AMER1: variants seen among roughly 807,000 people sequenced by gnomAD.
AMER1 encodes the protein APC membrane recruitment protein 1, also known as RP11-403E24.2.
Under a neutral mutation model 53.0 loss-of-function variants are expected in AMER1, and 16 were observed. That is an observed-to-expected ratio of 0.30 (90% CI 0.20 to 0.46). The LOEUF (loss-of-function observed/expected upper bound fraction) is 0.46, where lower values mean the gene tolerates loss of function less well. Among genes scored for constraint, AMER1 ranks in the 20% least tolerant of loss-of-function variants. The pLI, the probability that AMER1 is intolerant of heterozygous loss-of-function variation, is 1.00. For synonymous variants in AMER1, 354 were observed against 331.9 expected (o/e 1.07, Z -0.73); for missense variants, 947 against 884.9 (o/e 1.07, Z -0.89).
rs1051883647 is a variant in AMER1, at chrX:64,186,573, T to C, written c.*3306A>G. 8 of 775,083 alleles carry C rather than the reference T, an allele frequency of 1.0e-5. No homozygotes were observed. In the African/African-American group the frequency reaches 1.8e-4, roughly 18 times the overall value. The allele number at this position is 775,083 out of a possible 1,213,427, so 63.9% of individuals were successfully genotyped here. A position where few individuals can be genotyped will look rare whatever the true frequency, so the allele number is the denominator to read the frequency against. On this transcript the variant is annotated 3_prime_UTR_variant, in exon 2 of 2. Coordinates refer to ENST00000374869, the MANE Select transcript of AMER1 (RefSeq NM_152424.4). ...GGTGGGGTGGTGGCACTGGCACAGG[T>C]AAGGAAAGCTGCTGGCAGCAGGATG...
chrX:64,193,477 T>A, intron 1 of AMER1, 93 bp from the exon 2 acceptor site: 1 of 567,818 alleles, frequency 1.8e-6, no homozygotes, highest in Non-Finnish European at 2.8e-6. Flanking sequence ...CAGGCTTGAG[T>A]GGAACAAGAA....
At chrX:64,196,827 A>C (rs1034788582) in intron 1 of AMER1, among the ~76,000 whole-genome samples, 4 of 111,482 alleles carry the variant, frequency 3.6e-5, no homozygotes, top group Admixed American at 1.9e-4. Context: ...ATGTCCCCCC[A>C]CAGTCATTCA....
rs935092156 is a variant in AMER1, at chrX:64,187,414, G to A, written c.*2465C>T. 1.3e-5 allele frequency: 10 copies of A among 792,589 alleles called. No homozygotes were observed. The South Asian group carries it at 6.7e-4, about 53-fold the overall frequency. The allele number at this position is 792,589 out of a possible 1,213,427, so 65.3% of individuals were successfully genotyped here. A position where few individuals can be genotyped will look rare whatever the true frequency, so the allele number is the denominator to read the frequency against. ...ACTCAGCCCCAGGCCCTACTCTGTGGTGTGTGACCTTCCAAAGCCCAACAA... is the reference window on the plus strand; with the variant it reads ...ACTCAGCCCCAGGCCCTACTCTGTGATGTGTGACCTTCCAAAGCCCAACAA... On this transcript the variant is annotated 3_prime_UTR_variant, in exon 2 of 2. Transcript: ENST00000374869.
chrX:64,189,799 A>ACCCCCCCCC lies in AMER1; in HGVS notation c.*79_*80insGGGGGGGGG. 1 of 125,105 alleles carries ACCCCCCCCC rather than the reference A, an allele frequency of 8.0e-6. No homozygotes were observed. Among genetic ancestry groups the ACCCCCCCCC allele is most frequent in the Admixed American group, 1.1e-4 (1 of 9,000 alleles). 10.3% of individuals were successfully genotyped at this position (125,105 alleles called of 1,213,427 possible). ...GTTTTCAAGTTAAACAACAACCCCCACCCCCCCACCCTTCTGCCCAACCCC... is the reference window on the plus strand; with the variant it reads ...GTTTTCAAGTTAAACAACAACCCCCACCCCCCCCCCCCCCCCACCCTTCTGCCCAACCCC... On this transcript the variant is annotated 3_prime_UTR_variant, in exon 2 of 2. Coordinates refer to ENST00000374869, the MANE Select transcript of AMER1 (RefSeq NM_152424.4).
rs2147084976 is a variant in AMER1, at chrX:64,190,362, T to C, written c.2925A>G (p.Ile975Met). Residue 975 changes from isoleucine to methionine, a missense_variant, in exon 2 of 2, where the codon ATA becomes ATG. Transcript: ENST00000374869. Reference protein sequence around the residue: ...PLPVGPGPAWISPNQLDRPSS... With the variant: ...PLPVGPGPAWMSPNQLDRPSS... ...AAGGCCTGTCCAACTGGTTGGGGCT[T>C]ATCCAGGCAGGACCTGGCCCCACTG... The C allele has an allele frequency of 1.7e-6, 2 of 1,211,546 alleles. No homozygotes were observed. Among genetic ancestry groups the C allele is most frequent in the Non-Finnish European group, 2.2e-6 (2 of 895,304 alleles).
intron 1 of AMER1, among the ~76,000 whole-genome samples, chrX:64,194,141 T>C (rs1352783379): frequency 8.9e-6 from 1 of 111,959 alleles, no homozygotes; most frequent in Non-Finnish European, 1.9e-5. Flanking sequence ...AGAGGTGATA[T>C]GAGGGTGGGT....
rs770763349 is a variant in AMER1, at chrX:64,186,133, G to A, written c.*3746C>T. 6 of 1,207,849 alleles carry A rather than the reference G, an allele frequency of 5.0e-6. No homozygotes were observed. The highest frequency in any genetic ancestry group is 3.5e-5 in the South Asian group (2 of 56,648). On this transcript the variant is annotated 3_prime_UTR_variant, in exon 2 of 2. Transcript: ENST00000374869. ...ACAAGCTGTCTACCAGGTCCCACAC[G>A]CCTGAGTCACTTGGCGTTTGTCTTC... is the stretch of plus-strand genomic sequence containing the variant.
In AMER1 at chrX:64,191,985, G is replaced by A. The variant is rs372086903; in HGVS notation, c.1302C>T (p.His434=). The change falls in exon 2 of 2, where the codon CAC becomes CAT. Residue 434 remains histidine (H), a synonymous_variant. Coordinates refer to ENST00000374869, the MANE Select transcript of AMER1 (RefSeq NM_152424.4). ...TAACTGGGTCAAGGAGCATGTAGCC[G>A]TGGTGGCCTGGGGATGTGGTGGGAT... The part of the protein sequence containing the change: ...GYHPTTSPGH[H]GYMLLDPVRS... The A allele has an allele frequency of 3.2e-5, 39 of 1,210,437 alleles. No individual in the cohort carries two copies. Among genetic ancestry groups the A allele is most frequent in the Admixed American group, 8.7e-5 (4 of 45,901 alleles).
In AMER1 at chrX:64,188,784, T is replaced by C; in HGVS notation, c.*1095A>G. ...GTGATAAATGGACCCTCATTTTCTA[T>C]CTTTCCCCTACACTCCACAAAAACC... On this transcript the variant is annotated 3_prime_UTR_variant, in exon 2 of 2. Transcript: ENST00000374869. 1 of 804,716 alleles carries C rather than the reference T, an allele frequency of 1.2e-6. No homozygotes were observed. Among genetic ancestry groups the C allele is most frequent in the Non-Finnish European group, 1.5e-6 (1 of 670,342 alleles). The allele number at this position is 804,716 out of a possible 1,213,427, so 66.3% of individuals were successfully genotyped here. A position where few individuals can be genotyped will look rare whatever the true frequency, so the allele number is the denominator to read the frequency against.
Position 64,189,464 on chromosome X carries a change from TTGTGTGTGTGTGTGTATGTATG to T in AMER1, c.*393_*414del, listed in dbSNP as rs1329517715. The T allele has an allele frequency of 4.3e-6, 3 of 704,066 alleles. No individual in the cohort carries two copies. Among genetic ancestry groups the T allele is most frequent in the African/African-American group, 6.7e-5 (2 of 29,711 alleles). The allele number at this position is 704,066 out of a possible 1,213,427, so 58.0% of individuals were successfully genotyped here. On this transcript the variant is annotated 3_prime_UTR_variant, in exon 2 of 2. Transcript: ENST00000374869. The stretch of plus-strand genomic sequence containing the variant: ...GCTATATATGTGTGTGCATGTGTGT[TTGTGTGTGTGTGTGTATGTATG>T]TGTGTGTGTGTGTGTGTGTGTGTGT...
chrX:64,189,582 A>G lies in AMER1; in HGVS notation c.*297T>C, dbSNP rs1930193984. On this transcript the variant is annotated 3_prime_UTR_variant, in exon 2 of 2. Coordinates refer to ENST00000374869, the MANE Select transcript of AMER1 (RefSeq NM_152424.4). ...TAATCACTAACTTGGCAACTGGAAT[A>G]GGCACAAAATTACAGCATCCCAAAC... 1.3e-6 allele frequency: 1 copy of G among 799,761 alleles called. No homozygotes were observed. The highest frequency in any genetic ancestry group is 7.7e-5 in the Admixed American group (1 of 12,959). 65.9% of individuals were successfully genotyped at this position (799,761 alleles called of 1,213,427 possible).
chrX:64,186,007 A>G lies in AMER1; in HGVS notation c.*3872T>C. 1 of 701,635 alleles carries G rather than the reference A, an allele frequency of 1.4e-6. No homozygotes were observed. 57.8% of individuals were successfully genotyped at this position (701,635 alleles called of 1,213,427 possible). A position where few individuals can be genotyped will look rare whatever the true frequency, so the allele number is the denominator to read the frequency against. On this transcript the variant is annotated 3_prime_UTR_variant, in exon 2 of 2. Transcript: ENST00000374869. ...ATTTCAAAACTAAAGCACAAAACAT[A>G]ACGAGGAAAAAAAATAAGACACATG...
intron 1 of AMER1, among the ~76,000 whole-genome samples, chrX:64,202,289 G>A: frequency 8.9e-6 from 1 of 111,995 alleles, no homozygotes; most frequent in Non-Finnish European, 1.9e-5. Flanking sequence ...CGAGTGAGAG[G>A]CTCCCCTTAT....
At chrX:64,201,811 C>T (rs1419378474) in intron 1 of AMER1, among the ~76,000 whole-genome samples, 2 of 111,910 alleles carry the variant, frequency 1.8e-5, no homozygotes, top group South Asian at 7.5e-4. Flanking sequence ...ACACTATCTA[C>T]GAGTGGAGAT....
In AMER1 at chrX:64,192,159, A is replaced by T. The variant is rs1930262922; in HGVS notation, c.1128T>A (p.Asp376Glu). 2.5e-5 allele frequency: 30 copies of T among 1,210,357 alleles called. No homozygotes were observed. Among genetic ancestry groups the T allele is most frequent in the Non-Finnish European group, 3.4e-5 (30 of 894,850 alleles). The change falls in exon 2 of 2, where the codon GAT (aspartate) becomes GAA (glutamate). Residue 376 changes from aspartate to glutamate, a missense_variant. Coordinates refer to ENST00000374869, the MANE Select transcript of AMER1 (RefSeq NM_152424.4). ...QGGGEEMALP[D>E]DDDEEEEEEE... ...CCTCTTCTTCCTCCTCGTCATCATC[A>T]TCTGGCAAGGCCATCTCCTCCCCAC...
Position 64,186,531 on chromosome X carries a change from C to A in AMER1, c.*3348G>T, listed in dbSNP as rs186024552. ...CCCATGCCTCCCTCTAGCAACTGGG[C>A]CTGGGGGCTGAGGGCAGGTGGGGTG... On this transcript the variant is annotated 3_prime_UTR_variant, in exon 2 of 2. Transcript: ENST00000374869. 3 of 779,124 alleles carry A rather than the reference C, an allele frequency of 3.9e-6. No individual in the cohort carries two copies. In the African/African-American group the frequency reaches 6.8e-5, roughly 18 times the overall value. The allele number at this position is 779,124 out of a possible 1,213,427, so 64.2% of individuals were successfully genotyped here. A position where few individuals can be genotyped will look rare whatever the true frequency, so the allele number is the denominator to read the frequency against.
chrX:64,189,795 C>CG lies in AMER1; in HGVS notation c.*83_*84insC. 7.1e-5 allele frequency: 11 copies of CG among 154,236 alleles called. No individual in the cohort carries two copies. Among genetic ancestry groups the CG allele is most frequent in the Admixed American group, 2.2e-4 (2 of 8,902 alleles). The allele number at this position is 154,236 out of a possible 1,213,427, so 12.7% of individuals were successfully genotyped here. On this transcript the variant is annotated 3_prime_UTR_variant, in exon 2 of 2. Coordinates refer to ENST00000374869, the MANE Select transcript of AMER1 (RefSeq NM_152424.4). The stretch of plus-strand genomic sequence containing the variant: ...AAGGGTTTTCAAGTTAAACAACAAC[C>CG]CCCACCCCCCCACCCTTCTGCCCAA...
rs2147087053 is a variant in AMER1, at chrX:64,191,324, G to C, written c.1963C>G (p.Gln655Glu). The part of the protein sequence containing the change: ...ARQEKPVLEY[Q>E]MRPLGPSVMG... ...ACTGATGGGCCTAAGGGCCTCATCT[G>C]ATACTCTAAGACGGGCTTCTCCTGC... The change falls in exon 2 of 2, where the codon CAG becomes GAG. Residue 655 changes from glutamine (Q) to glutamate (E), a missense_variant. Gln to Glu is a conservative substitution (Grantham distance 29, BLOSUM62 2). Coordinates refer to ENST00000374869, the MANE Select transcript of AMER1 (RefSeq NM_152424.4). 1 of 1,211,613 alleles carries C rather than the reference G, an allele frequency of 8.3e-7. No homozygotes were observed. Among genetic ancestry groups the C allele is most frequent in the Non-Finnish European group, 1.1e-6 (1 of 895,452 alleles).
chrX:64,186,130 C>A lies in AMER1; in HGVS notation c.*3749G>T. 8.3e-7 allele frequency: 1 copy of A among 1,209,760 alleles called. No homozygotes were observed. The highest frequency in any genetic ancestry group is 1.1e-6 in the Non-Finnish European group (1 of 894,005). ...ATGACAAGCTGTCTACCAGGTCCCA[C>A]ACGCCTGAGTCACTTGGCGTTTGTC... On this transcript the variant is annotated 3_prime_UTR_variant, in exon 2 of 2. Coordinates refer to ENST00000374869, the MANE Select transcript of AMER1 (RefSeq NM_152424.4).
Sources: gnomAD v4.1 joint callset for allele counts (sites outside exome capture counted in the v4.1 genomes callset) on GRCh38, gnomAD v4.1.1 for gene constraint, MANE v1.5 for transcripts, NCBI Gene and HGNC (gene_info 2026-07-23, HGNC 2026-07-21) for gene names.